Variants in MRPL45 observed in about 807,000 individuals in gnomAD.
The protein encoded by MRPL45 is large ribosomal subunit protein mL45.
A neutral mutation model predicts 38.1 loss-of-function variants in MRPL45; 20 were observed. The observed-to-expected ratio is 0.53, with a 90% CI of 0.37 to 0.76. MRPL45 has a LOEUF of 0.76. Among genes scored for constraint, MRPL45 ranks in the 30% least tolerant of loss-of-function variants. MRPL45 has a pLI of 0.00. For missense variants in MRPL45, 337 were observed against 395.6 expected, an observed-to-expected ratio of 0.85 and a Z score of 1.26; for synonymous variants, 105 against 128.8, an observed-to-expected ratio of 0.82 and a Z score of 1.25.
intron 6 of MRPL45, among the ~76,000 whole-genome samples, chr17:38,321,855 C>G (rs1444124625): frequency 6.6e-6 from 1 of 151,546 alleles, no homozygotes; most frequent in Non-Finnish European, 1.5e-5. Context: ...TGGTGACACC[C>G]CATCTCTACT....
Position 38,298,485 on chromosome 17 carries a change from G to GT in MRPL45, c.104dup (p.Arg36LysfsTer3). On this transcript the variant is annotated frameshift_variant, in exon 2 of 8. Transcript: ENST00000613675. LOFTEE classifies it high-confidence loss of function. ...GACTCAGTCCGCAGCTATAGTTCCA[G>GT]TAAGAACTAAAAAACGTTTCACACC... 6.2e-7 allele frequency: 1 copy of GT among 1,613,892 alleles called. No individual in the cohort carries two copies. The highest frequency in any genetic ancestry group is 8.5e-7 in the Non-Finnish European group (1 of 1,179,858).
chr17:38,305,936 C>A (rs1396992616), intron 3 of MRPL45, among the ~76,000 whole-genome samples: 1 of 151,948 alleles, frequency 6.6e-6, no homozygotes, highest in East Asian at 2.0e-4. Context: ...AGCCACCGCG[C>A]CTGGCCTATT....
chr17:38,308,468 T>C (rs140595586), intron 4 of MRPL45, among the ~76,000 whole-genome samples: 3 of 151,186 alleles, frequency 2.0e-5, no homozygotes, highest in African/African-American at 7.3e-5. Context: ...TGAGATAGAC[T>C]CTTGCTCTGT....
intron 3 of MRPL45, among the ~76,000 whole-genome samples, chr17:38,304,311 T>TA (rs984320660): frequency 2.6e-5 from 4 of 151,686 alleles, no homozygotes; most frequent in Admixed American, 6.6e-5. Flanking sequence ...CTACAAAAAC[T>TA]AAAAAAAAGT....
chr17:38,299,490 G>A (rs1410439134), intron 3 of MRPL45, 22 bp downstream of exon 3: 15 of 1,564,778 alleles, frequency 9.6e-6, no homozygotes, highest in African/African-American at 1.4e-5. Context: ...AGACAATTGG[G>A]TATTGGTATT....
rs1221960454 is a variant in MRPL45 at position 38,306,572 on chromosome 17, A to G, written c.402A>G (p.Ile134Met). 6.2e-7 allele frequency: 1 copy of G among 1,610,448 alleles called. No individual in the cohort carries two copies. The highest frequency in any genetic ancestry group is 8.5e-7 in the Non-Finnish European group (1 of 1,178,944). ...RIKDYDANFK[I>M]KDFPEKAKDI... The stretch of plus-strand genomic sequence containing the variant: ...AAGACTATGATGCCAACTTTAAAAT[A>G]AAGGACTTCCCTGAAAAAGCTAAGG... Residue 134 changes from isoleucine to methionine, a missense_variant, in exon 4 of 8, where the codon ATA becomes ATG. Physicochemically the swap from Ile to Met is conservative, Grantham distance 10. Around this residue, in one of 3 missense-constraint regions of MRPL45, gnomAD observed 251 missense variants for 269.1 expected, o/e 0.93. Coordinates refer to ENST00000613675, the MANE Select transcript of MRPL45 (RefSeq NM_032351.6).
In MRPL45 at chr17:38,300,040, C is replaced by G. The variant is rs577012979; in HGVS notation, c.362+572C>G. 2.5e-3 allele frequency among the ~76,000 whole-genome samples: 380 copies of G among 149,922 alleles called. 1 individual carries two copies. The highest frequency in any genetic ancestry group is 0.015 in the Middle Eastern group (4 of 272). ...CAGGTGAGAGCCACCACGCCCAGCC[C>G]TTTATTTATTTATTTATTTATTTAT... On this transcript the variant is annotated intron_variant, in intron 3 of 7. Transcript: ENST00000613675.
intron 4 of MRPL45, among the ~76,000 whole-genome samples, chr17:38,311,684 C>T (rs868796869): frequency 1.1e-5 from 1 of 92,306 alleles, no homozygotes; most frequent in African/African-American, 3.8e-5. Flanking sequence ...GACTCCGTCT[C>T]AAAAAAAAAA....
chr17:38,312,158 A>G (rs1360051068), intron 4 of MRPL45, among the ~76,000 whole-genome samples: 1 of 149,972 alleles, frequency 6.7e-6, no homozygotes, highest in Non-Finnish European at 1.5e-5. Context: ...GCGATTCTCC[A>G]GCCTCAGCCT....
In MRPL45 at chr17:38,322,822, C is replaced by T; in HGVS notation, c.*227C>T. 1.9e-6 allele frequency: 1 copy of T among 524,868 alleles called. No individual in the cohort carries two copies. Among genetic ancestry groups the T allele is most frequent in the Non-Finnish European group, 3.4e-6 (1 of 297,426 alleles). 32.5% of individuals were successfully genotyped at this position (524,868 alleles called of 1,614,324 possible). On this transcript the variant is annotated 3_prime_UTR_variant, in exon 8 of 8. Coordinates refer to ENST00000613675, the MANE Select transcript of MRPL45 (RefSeq NM_032351.6). The stretch of plus-strand genomic sequence containing the variant: ...CTTCTTTTTTAAATTTTATGTCTAG[C>T]TTCTGAGTCTAGATGAAAGACAGTA...
chr17:38,320,559 C>T, intron 5 of MRPL45, 59 bp from the exon 6 acceptor site: 3 of 1,577,352 alleles, frequency 1.9e-6, no homozygotes, highest in South Asian at 1.1e-5. Flanking sequence ...AGTGTGGCAG[C>T]ACCAGCTTCC....
intron 2 of MRPL45, 142 bp downstream of exon 2, chr17:38,298,768 A>G (rs915401673): frequency 6.5e-6 from 7 of 1,071,706 alleles, no homozygotes; most frequent in Non-Finnish European, 9.4e-6. Flanking sequence ...TATATACACT[A>G]TATATCATGA....
Position 38,322,711 on chromosome 17 carries a change from A to G in MRPL45, c.*116A>G, listed in dbSNP as rs940690768. 7.8e-6 allele frequency: 6 copies of G among 769,856 alleles called. No individual in the cohort carries two copies. The highest frequency in any genetic ancestry group is 2.7e-5 in the Admixed American group (1 of 37,018). 47.7% of individuals were successfully genotyped at this position (769,856 alleles called of 1,614,324 possible). A position where few individuals can be genotyped will look rare whatever the true frequency, so the allele number is the denominator to read the frequency against. ...ACCTTTGTTCTCTCCCATCCTGCTC[A>G]GGTCTTTTCAGCAGTCTCATCATCA... On this transcript the variant is annotated 3_prime_UTR_variant, in exon 8 of 8. Transcript: ENST00000613675.
At position 38,322,587 on chromosome 17, in the gene MRPL45, C is replaced by G; in HGVS notation, c.913C>G (p.Leu305Val). ...EAQGEAQKPQ[L>V]A is the part of the protein sequence containing the mutation. Reference sequence around the variant, plus strand: ...ACAAGGAGAGGCCCAGAAGCCTCAGCTAGCCTGATGACAAAAATGACTTCT... The same window carrying G: ...ACAAGGAGAGGCCCAGAAGCCTCAGGTAGCCTGATGACAAAAATGACTTCT... The change falls in exon 8 of 8, where the codon CTA becomes GTA. Residue 305 changes from leucine (L) to valine (V), a missense_variant. By Grantham distance (32) the Leu-to-Val change is conservative. Around this residue, in one of 3 missense-constraint regions of MRPL45, gnomAD observed 251 missense variants for 269.1 expected, o/e 0.93. Transcript: ENST00000613675. 7 of 1,612,526 alleles carry G rather than the reference C, an allele frequency of 4.3e-6. No homozygotes were observed. The highest frequency in any genetic ancestry group is 5.9e-6 in the Non-Finnish European group (7 of 1,179,510).
intron 4 of MRPL45, among the ~76,000 whole-genome samples, chr17:38,315,145 C>A (rs1164939469): frequency 6.6e-6 from 1 of 152,186 alleles, no homozygotes; most frequent in Admixed American, 6.5e-5. Flanking sequence ...GTTACTTTTC[C>A]TACATAGTAG....
intron 4 of MRPL45, among the ~76,000 whole-genome samples, chr17:38,315,836 G>C (rs1166942437): frequency 2.7e-5 from 4 of 150,850 alleles, no homozygotes; most frequent in African/African-American, 7.3e-5. Context: ...GCAGTGGCCC[G>C]ATCTCGGCTC....
chr17:38,312,983 G>GGT (rs1555561921), intron 4 of MRPL45, among the ~76,000 whole-genome samples: 2 of 66,816 alleles, frequency 3.0e-5, no homozygotes, highest in Non-Finnish European at 6.5e-5. Flanking sequence ...CCTTTTTATT[G>GGT]GTTTTTTTTT....
chr17:38,298,732 A>C, intron 2 of MRPL45, 106 bp downstream of exon 2: 1 of 1,517,884 alleles, frequency 6.6e-7, no homozygotes, highest in Non-Finnish European at 9.0e-7. Context: ...GCACGAAGTC[A>C]GTTCAACCTC....
In MRPL45 at chr17:38,322,279, C is replaced by T. The variant is rs748746743; in HGVS notation, c.814C>T (p.Pro272Ser). 15 of 1,614,006 alleles carry T rather than the reference C, an allele frequency of 9.3e-6. No homozygotes were observed. The East Asian group carries it at 3.1e-4, about 34-fold the overall frequency. ...HTKIVPPWAP[P>S]KQPILKTVMI... ...CAAGATCGTTCCCCCATGGGCACCC[C>T]CTAAGCAGCCCATCCTTAAGGTAAG... The change falls in exon 7 of 8, where the codon CCT becomes TCT. Residue 272 changes from proline (P) to serine (S), a missense_variant. By Grantham distance (74) the Pro-to-Ser change is moderately conservative. This residue lies in a region of MRPL45 where 251 missense variants were observed against 269.1 expected (regional missense o/e 0.93). Coordinates refer to ENST00000613675, the MANE Select transcript of MRPL45 (RefSeq NM_032351.6).
Sources: gnomAD v4.1 joint callset for allele counts (sites outside exome capture counted in the v4.1 genomes callset) on GRCh38, gnomAD v4.1.1 for gene constraint, gnomAD v4.1.1 regional missense constraint, MANE v1.5 for transcripts, NCBI Gene and HGNC (gene_info 2026-07-23, HGNC 2026-07-21) for gene names.